The following CERT1 variants were observed in gnomAD, a reference collection of about 807,000 sequenced individuals.
CERT1 encodes ceramide transporter 1.
A neutral mutation model predicts 87.9 loss-of-function variants in CERT1; 31 were observed. That is an observed-to-expected ratio of 0.35 (90% CI 0.27 to 0.48). The LOEUF (loss-of-function observed/expected upper bound fraction) is 0.48, where lower values mean the gene tolerates loss of function less well. CERT1 is among the 20% of genes least tolerant of loss of function. The pLI, the probability that CERT1 is intolerant of heterozygous loss-of-function variation, is 0.99. For missense variants in CERT1, 487 were observed against 758.0 expected (o/e 0.64, Z 4.20); for synonymous variants, 289 against 250.9 (o/e 1.15, Z -1.44).
chr5:75,462,279 T>A (rs969241115), intron 2 of CERT1, among the ~76,000 whole-genome samples: 1 of 152,112 alleles, frequency 6.6e-6, no homozygotes, highest in African/African-American at 2.4e-5. Flanking sequence ...CAGGGATCGG[T>A]TTCATGGAAG....
Position 75,416,775 on chromosome 5 carries a change from A to G in CERT1, c.837+101T>C, listed in dbSNP as rs139404255. 2.9e-4 allele frequency: 303 copies of G among 1,053,274 alleles called. 1 individual carries two copies. In the African/African-American group the frequency reaches 4.4e-3, roughly 15 times the overall value. The allele number at this position is 1,053,274 out of a possible 1,614,324, so 65.2% of individuals were successfully genotyped here. The stretch of plus-strand genomic sequence containing the variant: ...GTAGTATCATCTGCTATTTCTATCA[A>G]CCCAAGATTCTTCCCTAAGAAGTTA... On this transcript the variant is annotated intron_variant, in intron 7 of 16. Coordinates refer to ENST00000643780, the MANE Select transcript of CERT1 (RefSeq NM_001379029.1).
chr5:75,432,932 T>C (rs1580763743), intron 3 of CERT1, among the ~76,000 whole-genome samples: 2 of 152,348 alleles, frequency 1.3e-5, no homozygotes, highest in African/African-American at 4.8e-5. Context: ...CCTGGTATAC[T>C]AGCACCATGT....
downstream of CERT1, chr5:75,373,921 T>C (rs1761178490): frequency 5.1e-6 from 2 of 395,342 alleles, no homozygotes; most frequent in Admixed American, 4.4e-5. Context: ...GATTTTTTTT[T>C]CTCTTCTAGG....
intron 3 of CERT1, among the ~76,000 whole-genome samples, chr5:75,445,798 C>T (rs972097339): frequency 6.6e-6 from 1 of 152,152 alleles, no homozygotes; most frequent in Admixed American, 6.5e-5. Flanking sequence ...CCTGGCTCCA[C>T]AAATATAGGC....
intron 8 of CERT1, among the ~76,000 whole-genome samples, chr5:75,406,975 A>AT (rs1390082627): frequency 1.3e-5 from 2 of 152,074 alleles, no homozygotes; most frequent in African/African-American, 4.8e-5. Context: ...AAAAAGAGTC[A>AT]TAGTTTGAAT....
chr5:75,507,866 G>A (rs1767726191), intron 1 of CERT1, among the ~76,000 whole-genome samples: 1 of 152,092 alleles, frequency 6.6e-6, no homozygotes, highest in Admixed American at 6.6e-5. Flanking sequence ...AATATTTATA[G>A]CCCATTACCA....
chr5:75,466,979 A>G (rs2112339388), intron 2 of CERT1, among the ~76,000 whole-genome samples: 1 of 152,344 alleles, frequency 6.6e-6, no homozygotes, highest in African/African-American at 2.4e-5. Flanking sequence ...CTGAACATAA[A>G]ATTCAGAAAA....
chr5:75,485,393 G>T (rs970009783), intron 2 of CERT1, among the ~76,000 whole-genome samples: 3 of 150,066 alleles, frequency 2.0e-5, no homozygotes, highest in African/African-American at 7.3e-5. Flanking sequence ...GTACTAAGAG[G>T]GACATTTATA....
At chr5:75,380,504 C>A (rs113610293) in intron 16 of CERT1, among the ~76,000 whole-genome samples, 1 of 151,978 alleles carries the variant, frequency 6.6e-6, no homozygotes, top group Non-Finnish European at 1.5e-5. Flanking sequence ...AATATGAAGG[C>A]TAGGTCGAGC....
At chr5:75,383,233 C>T (rs966819348) in intron 14 of CERT1, among the ~76,000 whole-genome samples, 6 of 151,876 alleles carry the variant, frequency 4.0e-5, no homozygotes, top group South Asian at 2.1e-4. Context: ...AAAATGATTC[C>T]AGGACAATTT....
At chr5:75,467,837 G>A (rs372180194) in intron 2 of CERT1, among the ~76,000 whole-genome samples, 1 of 152,034 alleles carries the variant, frequency 6.6e-6, no homozygotes, top group South Asian at 2.1e-4. Context: ...TTAATTTCCT[G>A]TTTTTGATAT....
intron 1 of CERT1, among the ~76,000 whole-genome samples, chr5:75,509,130 T>C (rs558807502): frequency 6.6e-6 from 1 of 152,292 alleles, no homozygotes; most frequent in South Asian, 2.1e-4. Context: ...ATTTCTAATA[T>C]AAATTTACCC....
chr5:75,383,233 CA>C (rs1232266411), intron 14 of CERT1, among the ~76,000 whole-genome samples: 2 of 151,876 alleles, frequency 1.3e-5, no homozygotes. Context: ...AAAATGATTC[CA>C]GGACAATTTG....
intron 3 of CERT1, among the ~76,000 whole-genome samples, chr5:75,430,065 A>G (rs149718488): frequency 1.9e-4 from 29 of 152,272 alleles, no homozygotes; most frequent in African/African-American, 7.0e-4. Context: ...GAGGAAAGGA[A>G]TCTGTAACCA....
At chr5:75,479,417 T>C (rs1449764565) in intron 2 of CERT1, among the ~76,000 whole-genome samples, 1 of 152,034 alleles carries the variant, frequency 6.6e-6, no homozygotes, top group African/African-American at 2.4e-5. Context: ...CAGTACCCAA[T>C]AGTTATCTAT....
chr5:75,508,188 TACC>T (rs1767743763), intron 1 of CERT1, among the ~76,000 whole-genome samples: 2 of 152,254 alleles, frequency 1.3e-5, no homozygotes, highest in African/African-American at 2.4e-5. Flanking sequence ...CATTTACAAT[TACC>T]ACACTTCATA....
intron 2 of CERT1, among the ~76,000 whole-genome samples, chr5:75,490,802 T>C (rs1766753374): frequency 6.6e-6 from 1 of 152,170 alleles, no homozygotes; most frequent in South Asian, 2.1e-4. Flanking sequence ...CCAGCCTAAA[T>C]TTTCATTTGA....
At chr5:75,501,045 A>G (rs1767344054) in intron 2 of CERT1, among the ~76,000 whole-genome samples, 2 of 151,316 alleles carry the variant, frequency 1.3e-5, no homozygotes, top group African/African-American at 2.4e-5. Context: ...CTGGAGGGCA[A>G]TGGCATCACC....
chr5:75,500,665 C>T (rs188485738), intron 2 of CERT1, among the ~76,000 whole-genome samples: 1 of 152,288 alleles, frequency 6.6e-6, no homozygotes, highest in East Asian at 1.9e-4. Context: ...CTTTTATTTG[C>T]TGCATACCTT....
Sources: gnomAD v4.1 joint callset for allele counts (sites outside exome capture counted in the v4.1 genomes callset) on GRCh38, gnomAD v4.1.1 for gene constraint, MANE v1.5 for transcripts, NCBI Gene and HGNC (gene_info 2026-07-23, HGNC 2026-07-21) for gene names.